The following GSG1L variants were observed in gnomAD, a reference collection of about 807,000 sequenced individuals.
GSG1L encodes germ cell-specific gene 1-like protein.
GSG1L carries 24 observed loss-of-function variants against 42.1 expected under a neutral mutation model. The observed-to-expected ratio is 0.57, with a 90% CI of 0.41 to 0.80. GSG1L has a LOEUF of 0.80. Among genes scored for constraint, GSG1L ranks in the 30% least tolerant of loss-of-function variants. The pLI is 0.00. For synonymous variants in GSG1L, 215 were observed against 203.5 expected (o/e 1.06, Z -0.48); for missense variants, 445 against 472.2 (o/e 0.94, Z 0.53).
At chr16:27,891,402 C>T (rs1259091366) in intron 2 of GSG1L, among the ~76,000 whole-genome samples, 1 of 152,134 alleles carries the variant, frequency 6.6e-6, no homozygotes, top group African/African-American at 2.4e-5. Flanking sequence ...CAAGGCCGGC[C>T]TCAGACTCAG....
At chr16:28,026,851 G>A (rs1000561643) in intron 1 of GSG1L, among the ~76,000 whole-genome samples, 2 of 152,316 alleles carry the variant, frequency 1.3e-5, no homozygotes, top group Middle Eastern at 3.4e-3. Flanking sequence ...GGAGGCTGAG[G>A]TGGATGGATC....
chr16:28,048,861 G>A (rs747398225), intron 1 of GSG1L, among the ~76,000 whole-genome samples: 3 of 152,020 alleles, frequency 2.0e-5, no homozygotes, highest in African/African-American at 4.8e-5. Context: ...AGAAAACTAG[G>A]ATGTATCAGA....
chr16:27,885,277 G>A (rs779834444), intron 2 of GSG1L, among the ~76,000 whole-genome samples: 7 of 151,896 alleles, frequency 4.6e-5, no homozygotes, highest in African/African-American at 1.2e-4. Context: ...AGCCTCTCAC[G>A]TAGATGGAAA....
intron 2 of GSG1L, among the ~76,000 whole-genome samples, chr16:27,954,580 T>C (rs138178383): frequency 6.6e-6 from 1 of 152,306 alleles, no homozygotes; most frequent in East Asian, 1.9e-4. Context: ...GAGTTCCTCT[T>C]GCGGGAAACT....
chr16:28,062,131 G>C (rs2086348571), intron 1 of GSG1L, among the ~76,000 whole-genome samples: 1 of 152,120 alleles, frequency 6.6e-6, no homozygotes, highest in Admixed American at 6.5e-5. Context: ...TCCATGCCTG[G>C]ACACCCGCTC....
intron 1 of GSG1L, among the ~76,000 whole-genome samples, chr16:28,047,921 T>C (rs771533363): frequency 9.9e-5 from 15 of 152,032 alleles, no homozygotes; most frequent in Non-Finnish European, 2.2e-4. Context: ...TAAAGATAAA[T>C]AAATGACAAT....
chr16:27,791,131 G>C lies in GSG1L; in HGVS notation c.*239C>G, dbSNP rs938947914. On this transcript the variant is annotated 3_prime_UTR_variant, in exon 7 of 7. Transcript: ENST00000447459. ...CATGTGATGATGGCAAGAGTCCGGG[G>C]CTGCTGTCCCAAAGTCACTCTGTGC... The C allele has an allele frequency of 1.9e-5, 7 of 370,294 alleles. No individual in the cohort carries two copies. Among genetic ancestry groups the C allele is most frequent in the Non-Finnish European group, 2.9e-5 (6 of 208,286 alleles). 22.9% of individuals were successfully genotyped at this position (370,294 alleles called of 1,614,324 possible). A position where few individuals can be genotyped will look rare whatever the true frequency, so the allele number is the denominator to read the frequency against.
chr16:27,964,058 G>A (rs992629090), intron 1 of GSG1L, among the ~76,000 whole-genome samples: 1 of 152,140 alleles, frequency 6.6e-6, no homozygotes, highest in African/African-American at 2.4e-5. Context: ...AAAGGCTAGA[G>A]GGAGGGAAAT....
At position 27,804,037 on chromosome 16, in the gene GSG1L, GGATAGATAGATAGATA is replaced by G. The variant is rs557443110; in HGVS notation, c.898+3434_898+3449del. Among the ~76,000 whole-genome samples the G allele has an allele frequency of 1.1e-3, 147 of 132,778 alleles. 3 individuals carry two copies. In the South Asian group the frequency reaches 0.03, roughly 27 times the overall value. The allele number at this position is 132,778 out of a possible 152,430, so 87.1% of individuals were successfully genotyped here. On this transcript the variant is annotated intron_variant, in intron 6 of 6. Transcript: ENST00000447459. ...TGATGGATGAATAGATAGATTAGAT[GGATAGATAGATAGATA>G]GATAGATAGATAGATAGATAGATAG... is the stretch of plus-strand genomic sequence containing the variant.
At chr16:27,956,818 G>A (rs1053105406) in intron 2 of GSG1L, among the ~76,000 whole-genome samples, 18 of 152,004 alleles carry the variant, frequency 1.2e-4, no homozygotes, top group African/African-American at 4.4e-4. Flanking sequence ...AAAAAACTGT[G>A]TGAATGCCAC....
At chr16:28,023,066 C>T (rs529322141) in intron 1 of GSG1L, among the ~76,000 whole-genome samples, 1 of 152,088 alleles carries the variant, frequency 6.6e-6, no homozygotes, top group South Asian at 2.1e-4. Flanking sequence ...TGGCATCAAG[C>T]GATCCTCCCA....
intron 2 of GSG1L, among the ~76,000 whole-genome samples, chr16:27,885,685 C>T (rs2084018766): frequency 6.6e-6 from 1 of 152,212 alleles, no homozygotes; most frequent in African/African-American, 2.4e-5. Flanking sequence ...CAATCAAAGT[C>T]TTCCTCTAGG....
intron 1 of GSG1L, among the ~76,000 whole-genome samples, chr16:28,024,141 C>T (rs902971135): frequency 6.6e-6 from 1 of 152,212 alleles, no homozygotes; most frequent in Non-Finnish European, 1.5e-5. Flanking sequence ...TGCTCCTTAA[C>T]CACCACGTGC....
At chr16:27,994,979 G>T (rs1121813) in intron 1 of GSG1L, among the ~76,000 whole-genome samples, 116,320 of 152,118 alleles carry the variant, frequency 0.76, 44,733 homozygotes, top group East Asian at 0.85. Context: ...GGAAGAGAGA[G>T]AATCTTCTGG....
At chr16:27,854,228 T>C (rs1200009199) in intron 3 of GSG1L, among the ~76,000 whole-genome samples, 1 of 63,490 alleles carries the variant, frequency 1.6e-5, no homozygotes, top group South Asian at 5.4e-4. Context: ...TGGGAAAGGC[T>C]GGGGAATGGG....
At chr16:27,832,174 G>A (rs1359680291) in intron 4 of GSG1L, among the ~76,000 whole-genome samples, 1 of 151,532 alleles carries the variant, frequency 6.6e-6, no homozygotes, top group Non-Finnish European at 1.5e-5. Flanking sequence ...TTTTCCTTTT[G>A]AGATAATTAC....
intron 1 of GSG1L, among the ~76,000 whole-genome samples, chr16:27,990,998 C>T (rs1021896611): frequency 4.6e-5 from 7 of 152,182 alleles, no homozygotes; most frequent in Admixed American, 2.6e-4. Context: ...TGTGGTCAAT[C>T]GCTAGTCTTG....
intron 1 of GSG1L, among the ~76,000 whole-genome samples, chr16:27,975,461 A>G (rs1273536102): frequency 6.6e-6 from 1 of 152,010 alleles, no homozygotes; most frequent in Non-Finnish European, 1.5e-5. Flanking sequence ...TAGTGAGACC[A>G]CCATCACGCT....
intron 2 of GSG1L, among the ~76,000 whole-genome samples, chr16:27,894,717 C>T (rs2084170406): frequency 6.6e-6 from 1 of 152,192 alleles, no homozygotes; most frequent in African/African-American, 2.4e-5. Flanking sequence ...CCATGGAGAG[C>T]TGTAGGGAGG....
Sources: gnomAD v4.1 joint callset for allele counts (sites outside exome capture counted in the v4.1 genomes callset) on GRCh38, gnomAD v4.1.1 for gene constraint, MANE v1.5 for transcripts, NCBI Gene and HGNC (gene_info 2026-07-23, HGNC 2026-07-21) for gene names.